DNMT1: variants seen among roughly 807,000 people sequenced by gnomAD.
DNMT1 encodes the protein DNA methyltransferase 1.
A neutral mutation model predicts 205.3 loss-of-function variants in DNMT1; 24 were observed. That is an observed-to-expected ratio of 0.12 (90% confidence interval 0.08 to 0.16). DNMT1 has a LOEUF of 0.16. DNMT1 is among the 10% of genes least tolerant of loss of function. DNMT1 has a pLI of 1.00. For missense variants in DNMT1, 1,293 were observed against 2,177.7 expected (o/e 0.59, Z 8.09); for synonymous variants, 817 against 839.8 (o/e 0.97, Z 0.47).
At chr19:10,142,250 T>C (rs1428938958) in intron 29 of DNMT1, 30 bp from the exon 30 acceptor site, 1 of 1,613,378 alleles carries the variant, frequency 6.2e-7, no homozygotes, top group African/African-American at 1.3e-5. Flanking sequence ...CGTTAGGAGC[T>C]CTCCTTTGTG....
At chr19:10,155,747 T>C in intron 19 of DNMT1, 106 bp downstream of exon 19, 1 of 1,241,938 alleles carries the variant, frequency 8.1e-7, no homozygotes, top group Non-Finnish European at 1.2e-6. Context: ...CATGGCCTTC[T>C]GCAAGCCTGC....
In DNMT1 at chr19:10,151,426, C is replaced by A; in HGVS notation, c.2237G>T (p.Arg746Leu). 1.2e-6 allele frequency: 2 copies of A among 1,613,906 alleles called. No individual in the cohort carries two copies. Among genetic ancestry groups the A allele is most frequent in the Non-Finnish European group, 1.7e-6 (2 of 1,180,014 alleles). Residue 746 changes from arginine to leucine, a missense_variant, in exon 24 of 41, where the codon CGC becomes CTC. Coordinates refer to ENST00000359526, the MANE Select transcript of DNMT1 (RefSeq NM_001130823.3). This position sits in a 1 kb window ranked among gnomAD's most constrained non-coding sequence, Gnocchi z 5.0. ...QGKKKKQNKNRISWVGEAVKT... is the reference protein window; with the variant it reads ...QGKKKKQNKNLISWVGEAVKT... Reference sequence around the variant, plus strand: ...GACGGCTTCTCCGACCCAAGAGATGCGATTCTTGTTCTGTTTCTTCTTCTT... The same window carrying A: ...GACGGCTTCTCCGACCCAAGAGATGAGATTCTTGTTCTGTTTCTTCTTCTT...
In DNMT1 at chr19:10,191,897, G is replaced by A. The variant is rs143472833; in HGVS notation, c.80+2923C>T. Reference sequence around the variant, plus strand: ...CCTGTTGCCCAGGCTGGAGTGCAACGGTGCAATCTCGGCTCCTGGGTTCAA... The same window carrying A: ...CCTGTTGCCCAGGCTGGAGTGCAACAGTGCAATCTCGGCTCCTGGGTTCAA... On this transcript the variant is annotated intron_variant, in intron 1 of 40. Coordinates refer to ENST00000359526, the MANE Select transcript of DNMT1 (RefSeq NM_001130823.3). Among the ~76,000 whole-genome samples the A allele has an allele frequency of 2.4e-3, 364 of 151,878 alleles. 1 individual carries two copies. The highest frequency in any genetic ancestry group is 8.4e-3 in the African/African-American group (348 of 41,404).
chr19:10,162,538 G>A, intron 13 of DNMT1, 129 bp downstream of exon 13: 1 of 951,792 alleles, frequency 1.1e-6, no homozygotes, highest in Non-Finnish European at 1.6e-6. Context: ...TCAAAGTGCT[G>A]GGATTACAGG....
chr19:10,137,084 C>T lies in DNMT1; in HGVS notation c.4489+1G>A. The T allele has an allele frequency of 1.2e-6, 2 of 1,611,722 alleles. No individual in the cohort carries two copies. The highest frequency in any genetic ancestry group is 8.5e-7 in the Non-Finnish European group (1 of 1,179,454). On this transcript the variant is annotated splice_donor_variant, in intron 37 of 40. Coordinates refer to ENST00000359526, the MANE Select transcript of DNMT1 (RefSeq NM_001130823.3). LOFTEE classifies it high-confidence loss of function. The surrounding 1 kb of genome is among the most constrained non-coding windows in gnomAD (Gnocchi z 6.4). The stretch of plus-strand genomic sequence containing the variant: ...CGGGAACCACAACTTACAGGACCCA[C>T]CTTCCACGCAGGAGCAGACCCCACG...
chr19:10,144,005 C>T lies in DNMT1; in HGVS notation c.2895-18G>A, dbSNP rs754438284. 6.2e-7 allele frequency: 1 copy of T among 1,612,770 alleles called. No homozygotes were observed. The highest frequency in any genetic ancestry group is 2.2e-5 in the East Asian group (1 of 44,882). ...GCTTGATGCTGCAGAGAAGCACCCA[C>T]TTGACATCAATGAACCTTCCACCTT... On this transcript the variant is annotated intron_variant, in intron 28 of 40. Transcript: ENST00000359526.
At chr19:10,145,346 C>T (rs893206183) in intron 28 of DNMT1, among the ~76,000 whole-genome samples, 6 of 152,280 alleles carry the variant, frequency 3.9e-5, no homozygotes, top group South Asian at 4.1e-4. Context: ...GGGGGTAACG[C>T]GCCCCAACTG....
intron 28 of DNMT1, among the ~76,000 whole-genome samples, chr19:10,145,936 C>T (rs1037366102): frequency 2.0e-5 from 3 of 152,152 alleles, no homozygotes; most frequent in Admixed American, 6.5e-5. Context: ...TCAAGTGATT[C>T]TCCTGTCTCT....
At position 10,149,834 on chromosome 19, in the gene DNMT1, C is replaced by T. The variant is rs2038298845; in HGVS notation, c.2381+19G>A. On this transcript the variant is annotated intron_variant, in intron 25 of 40. Coordinates refer to ENST00000359526, the MANE Select transcript of DNMT1 (RefSeq NM_001130823.3). ...TGAGAAAGTGCATGCAGAAGTCAAGCAAAAAGAAAGATGCAAACCTTGCTA... is the reference window on the plus strand; with the variant it reads ...TGAGAAAGTGCATGCAGAAGTCAAGTAAAAAGAAAGATGCAAACCTTGCTA... The T allele has an allele frequency of 6.2e-6, 10 of 1,613,624 alleles. No individual in the cohort carries two copies. The highest frequency in any genetic ancestry group is 1.3e-5 in the African/African-American group (1 of 74,884).
intron 11 of DNMT1, 128 bp downstream of exon 11, chr19:10,166,470 G>T: frequency 8.9e-7 from 1 of 1,121,532 alleles, no homozygotes; most frequent in South Asian, 1.3e-5. Flanking sequence ...CCAGAGTCTG[G>T]ATGGCCCCAT....
chr19:10,151,694 A>G lies in DNMT1; in HGVS notation c.2117+56T>C, dbSNP rs1599362109. 6.2e-7 allele frequency: 1 copy of G among 1,610,364 alleles called. No individual in the cohort carries two copies. Among genetic ancestry groups the G allele is most frequent in the African/African-American group, 1.3e-5 (1 of 74,818 alleles). Reference sequence around the variant, plus strand: ...ACATGCAGGCCCTTCTCCACAGTGCATCTGCCACCAGCTGGCAAGTCCTCT... The same window carrying G: ...ACATGCAGGCCCTTCTCCACAGTGCGTCTGCCACCAGCTGGCAAGTCCTCT... On this transcript the variant is annotated intron_variant, in intron 23 of 40. Transcript: ENST00000359526. This position sits in a 1 kb window ranked among gnomAD's most constrained non-coding sequence, Gnocchi z 5.0.
intron 8 of DNMT1, 69 bp from the exon 9 acceptor site, chr19:10,173,243 A>G: frequency 6.6e-7 from 1 of 1,506,488 alleles, no homozygotes; most frequent in East Asian, 2.3e-5. Context: ...CAGTTTTCAT[A>G]AAGCTCCTCT....
In DNMT1 at chr19:10,143,276, G is replaced by A. The variant is rs537276180; in HGVS notation, c.3116+490C>T. Reference sequence around the variant, plus strand: ...GTCACCCAGGCCGGAGTGCAGTGGTGGGATCATGGCTCACTACAGCCTCAA... The same window carrying A: ...GTCACCCAGGCCGGAGTGCAGTGGTAGGATCATGGCTCACTACAGCCTCAA... On this transcript the variant is annotated intron_variant, in intron 29 of 40. Transcript: ENST00000359526. Among the ~76,000 whole-genome samples the A allele has an allele frequency of 6.6e-5, 10 of 152,284 alleles. No individual in the cohort carries two copies. The South Asian group carries it at 2.1e-3, about 32-fold the overall frequency.
At chr19:10,167,703 C>A (rs2038725038) in intron 10 of DNMT1, among the ~76,000 whole-genome samples, 1 of 152,190 alleles carries the variant, frequency 6.6e-6, no homozygotes, top group Admixed American at 6.5e-5. Context: ...CTGTTCTAGG[C>A]CTCTGGCCTT....
chr19:10,173,737 C>T, intron 8 of DNMT1, 134 bp downstream of exon 8: 1 of 902,110 alleles, frequency 1.1e-6, no homozygotes. Context: ...AGTGATTCGC[C>T]CATCTTGGCC....
At position 10,161,337 on chromosome 19, in the gene DNMT1, A is replaced by G. The variant is rs565176631; in HGVS notation, c.1009-919T>C. Among the ~76,000 whole-genome samples, 10 of 151,396 alleles carry G rather than the reference A, an allele frequency of 6.6e-5. No individual in the cohort carries two copies. In the East Asian group the frequency reaches 9.7e-4, roughly 15 times the overall value. On this transcript the variant is annotated intron_variant, in intron 13 of 40. Coordinates refer to ENST00000359526, the MANE Select transcript of DNMT1 (RefSeq NM_001130823.3). ...AATACATAAGTAAATAAATAAATAA[A>G]TAAATAAATAAATAAATAAATAAAT...
chr19:10,165,674 T>C (rs981549980), intron 11 of DNMT1, among the ~76,000 whole-genome samples: 1 of 152,144 alleles, frequency 6.6e-6, no homozygotes, highest in African/African-American at 2.4e-5. Context: ...ATTACAGTAG[T>C]GAGCCACCAT....
intron 13 of DNMT1, among the ~76,000 whole-genome samples, chr19:10,161,960 G>C (rs1347366734): frequency 6.6e-6 from 1 of 151,640 alleles, no homozygotes; most frequent in South Asian, 2.1e-4. Flanking sequence ...TCCTGCCTCA[G>C]CTTCCCAAGC....
chr19:10,193,039 T>C (rs1471199674), intron 1 of DNMT1, among the ~76,000 whole-genome samples: 1 of 151,958 alleles, frequency 6.6e-6, no homozygotes, highest in African/African-American at 2.4e-5. Flanking sequence ...AGAATGAGAC[T>C]CCATCTCAAA....
Sources: gnomAD v4.1 joint callset for allele counts (sites outside exome capture counted in the v4.1 genomes callset) on GRCh38, gnomAD v4.1.1 for gene constraint, Gnocchi (gnomAD v3.1) non-coding constraint, MANE v1.5 for transcripts, NCBI Gene and HGNC (gene_info 2026-07-23, HGNC 2026-07-21) for gene names.